Variants in SLC16A4 observed in about 807,000 individuals in gnomAD.
SLC16A4 encodes the protein solute carrier family 16 member 4, also known as probable monocarboxylate transporter 5.
SLC16A4 carries 39 observed loss-of-function variants against 47.9 expected under a neutral mutation model. The ratio of observed to expected loss-of-function variants is 0.81; its 90% CI spans 0.63 to 1.06. The LOEUF is 1.06. Ranked by LOEUF, SLC16A4 falls within the 50% of genes least tolerant of loss-of-function variation. The pLI, the probability that SLC16A4 is intolerant of heterozygous loss-of-function variation, is 0.00. For missense variants in SLC16A4, 524 were observed against 573.8 expected, an observed-to-expected ratio of 0.91 and a Z score of 0.89; for synonymous variants, 189 against 199.9, an observed-to-expected ratio of 0.95 and a Z score of 0.46.
At chr1:110,370,814 AT>A (rs1205217522) in intron 8 of SLC16A4, 2 of 152,222 alleles carry the variant, frequency 1.3e-5, no homozygotes, top group Non-Finnish European at 2.9e-5. Context: ...AAACTTCAAC[AT>A]ATTTTAAAGT....
chr1:110,386,264 C>T (rs887402773), intron 2 of SLC16A4, among the ~76,000 whole-genome samples: 2 of 152,180 alleles, frequency 1.3e-5, no homozygotes, highest in Admixed American at 6.5e-5. Context: ...CCATGCTTCC[C>T]GTCCCTTAAC....
intron 8 of SLC16A4, 90 bp from the exon 9 acceptor site, chr1:110,363,983 C>T: frequency 7.3e-7 from 1 of 1,377,076 alleles, no homozygotes; most frequent in African/African-American, 1.5e-5. Flanking sequence ...AAGGAGCCTC[C>T]TGTATTGTGA....
intron 8 of SLC16A4, among the ~76,000 whole-genome samples, chr1:110,368,717 G>C (rs1372039317): frequency 6.6e-6 from 1 of 152,050 alleles, no homozygotes; most frequent in East Asian, 1.9e-4. Flanking sequence ...TTAAATACTG[G>C]TGCAAACCAT....
chr1:110,385,515 C>G (rs896548539), intron 2 of SLC16A4, among the ~76,000 whole-genome samples: 1 of 152,148 alleles, frequency 6.6e-6, no homozygotes, highest in Non-Finnish European at 1.5e-5. Flanking sequence ...CTCACATTTC[C>G]CTTATCCTAT....
intron 4 of SLC16A4, 119 bp from the exon 5 acceptor site, chr1:110,381,262 A>G (rs1259025849): frequency 8.7e-6 from 7 of 804,954 alleles, no homozygotes; most frequent in Non-Finnish European, 1.0e-5. Flanking sequence ...GGAACAGTAG[A>G]AGGGAAGAGT....
intron 8 of SLC16A4, chr1:110,370,490 G>A (rs780411521): frequency 2.7e-4 from 41 of 152,158 alleles, no homozygotes; most frequent in Non-Finnish European, 1.0e-4. Flanking sequence ...GGATAGATAG[G>A]AAATGACCTA....
At chr1:110,381,946 T>C (rs1662422326) in intron 3 of SLC16A4, 151 bp from the exon 4 acceptor site, 2 of 743,114 alleles carry the variant, frequency 2.7e-6, no homozygotes, top group Non-Finnish European at 4.3e-6. Flanking sequence ...TCATATCGGG[T>C]TTCTTAATAT....
chr1:110,380,793 A>G (rs556989988), intron 5 of SLC16A4, among the ~76,000 whole-genome samples, 189 bp downstream of exon 5: 9 of 152,288 alleles, frequency 5.9e-5, no homozygotes, highest in African/African-American at 2.2e-4. Context: ...AAGTATTTCA[A>G]GATCTCTTTT....
chr1:110,364,208 AAG>A (rs1661239751), intron 8 of SLC16A4, among the ~76,000 whole-genome samples: 1 of 152,142 alleles, frequency 6.6e-6, no homozygotes, highest in South Asian at 2.1e-4. Context: ...CAGAGAAAAA[AAG>A]AAGTGATAAT....
rs1271217018 is a variant in SLC16A4 at position 110,379,198 on chromosome 1, A to G, written c.685T>C (p.Cys229Arg). 2 of 1,614,056 alleles carry G rather than the reference A, an allele frequency of 1.2e-6. No individual in the cohort carries two copies. Among genetic ancestry groups the G allele is most frequent in the Middle Eastern group, 1.6e-4 (1 of 6,084 alleles). ...GPEAHATETH[C>R]HETEESTIKD... Reference sequence around the variant, plus strand: ...ATGGTAGACTCTTCTGTCTCATGGCAGTGTGTTTCTGTTGCATGTGCCTCT... The same window carrying G: ...ATGGTAGACTCTTCTGTCTCATGGCGGTGTGTTTCTGTTGCATGTGCCTCT... The change falls in exon 6 of 9, where the codon TGC becomes CGC. Residue 229 changes from cysteine (C) to arginine (R), a missense_variant. Physicochemically the swap from Cys to Arg is radical, Grantham distance 180. Coordinates refer to ENST00000369779, the MANE Select transcript of SLC16A4 (RefSeq NM_004696.3).
chr1:110,366,808 C>T (rs1208599646), intron 8 of SLC16A4, among the ~76,000 whole-genome samples: 1 of 152,122 alleles, frequency 6.6e-6, no homozygotes, highest in Non-Finnish European at 1.5e-5. Flanking sequence ...AATTGTTTAG[C>T]ATGTTTTAGA....
In SLC16A4 at chr1:110,363,581, G is replaced by A; in HGVS notation, c.*185C>T. The A allele has an allele frequency of 2.4e-6, 1 of 412,292 alleles. No homozygotes were observed. The highest frequency in any genetic ancestry group is 3.5e-5 in the South Asian group (1 of 28,314). The allele number at this position is 412,292 out of a possible 1,614,324, so 25.5% of individuals were successfully genotyped here. On this transcript the variant is annotated 3_prime_UTR_variant, in exon 9 of 9. Coordinates refer to ENST00000369779, the MANE Select transcript of SLC16A4 (RefSeq NM_004696.3). ...GCGGAGATTACAGTGAGCCGAGATT[G>A]CGCCACTGCACTCCAGCCTGGGCGA... is the stretch of plus-strand genomic sequence containing the variant.
intron 7 of SLC16A4, 95 bp from the exon 8 acceptor site, chr1:110,375,646 A>T (rs1661958487): frequency 2.9e-6 from 2 of 684,176 alleles, no homozygotes; most frequent in Non-Finnish European, 5.1e-6. Flanking sequence ...TATCATCTCA[A>T]GCTATGAACA....
intron 2 of SLC16A4, among the ~76,000 whole-genome samples, chr1:110,388,069 T>C (rs984413051): frequency 1.3e-5 from 2 of 152,138 alleles, no homozygotes; most frequent in African/African-American, 2.4e-5. Context: ...AGCTGCTTAC[T>C]GTAGGGCTGA....
intron 2 of SLC16A4, 53 bp downstream of exon 2, chr1:110,389,184 C>G (rs1024356039): frequency 1.2e-5 from 17 of 1,431,404 alleles, no homozygotes; most frequent in Non-Finnish European, 1.5e-5. Context: ...GAGCCTTTCT[C>G]CAGAAAGCCT....
chr1:110,381,740 A>T lies in SLC16A4; in HGVS notation c.276T>A (p.Leu92=). 1 of 1,613,698 alleles carries T rather than the reference A, an allele frequency of 6.2e-7. No individual in the cohort carries two copies. Among genetic ancestry groups the T allele is most frequent in the Non-Finnish European group, 8.5e-7 (1 of 1,179,872 alleles). The part of the protein sequence containing the change: ...DILGEKTTSI[L]GAFVVTGGYL... ...ATCCACCAGTAACAACGAAAGCCCC[A>T]AGAATGGAGGTAGTTTTCTCTCCAA... Residue 92 remains leucine (L), a synonymous_variant, in exon 4 of 9, where the codon CTT becomes CTA. Coordinates refer to ENST00000369779, the MANE Select transcript of SLC16A4 (RefSeq NM_004696.3).
chr1:110,383,868 T>A (rs1570653846), intron 2 of SLC16A4, among the ~76,000 whole-genome samples: 1 of 132,996 alleles, frequency 7.5e-6, no homozygotes, highest in African/African-American at 2.9e-5. Flanking sequence ...AAAGTTAAGC[T>A]ATCAACTAAG....
In SLC16A4 at chr1:110,377,211, T is replaced by C. The variant is rs536060230; in HGVS notation, c.1031-50A>G. On this transcript the variant is annotated intron_variant, in intron 6 of 8. Coordinates refer to ENST00000369779, the MANE Select transcript of SLC16A4 (RefSeq NM_004696.3). ...ATTTTCCTGGTCCCTTTGAAAAATG[T>C]GAATGCATACAGCATCATTTCCCAA... 71 of 1,433,384 alleles carry C rather than the reference T, an allele frequency of 5.0e-5. No homozygotes were observed. In the South Asian group the frequency reaches 8.1e-4, roughly 16 times the overall value. 88.8% of individuals were successfully genotyped at this position (1,433,384 alleles called of 1,614,324 possible).
intron 7 of SLC16A4, among the ~76,000 whole-genome samples, chr1:110,376,327 T>C (rs1557906475): frequency 6.6e-6 from 1 of 152,226 alleles, no homozygotes. Context: ...CTAATATTGA[T>C]AGAACAGAAG....
Sources: allele counts gnomAD v4.1 joint callset (sites outside exome capture counted in the v4.1 genomes callset), GRCh38; gene constraint gnomAD v4.1.1; transcripts MANE v1.5; gene names NCBI Gene and HGNC (gene_info 2026-07-23, HGNC 2026-07-21).